The following KIF24 variants were observed in gnomAD, a reference collection of about 807,000 sequenced individuals.
KIF24 encodes the protein kinesin-like protein KIF24.
In KIF24, 81 loss-of-function variants were observed where a neutral mutation model predicts 118.9. That is an observed-to-expected ratio of 0.68 (90% CI 0.57 to 0.82). KIF24 has a LOEUF of 0.82. KIF24 is among the 40% of genes least tolerant of loss of function. The probability of loss-of-function intolerance (pLI) is 0.00; values close to 1 mark genes in which losing one functional copy is unlikely to be tolerated. For missense variants in KIF24, 1,560 were observed against 1,661.6 expected, an observed-to-expected ratio of 0.94 and a Z score of 1.06; for synonymous variants, 599 against 610.0, an observed-to-expected ratio of 0.98 and a Z score of 0.27.
rs1354397036 is a variant in KIF24 at position 34,257,540 on chromosome 9, G to A, written c.2067C>T (p.Gly689=). 1.2e-6 allele frequency: 2 copies of A among 1,614,076 alleles called. No individual in the cohort carries two copies. The highest frequency in any genetic ancestry group is 3.3e-5 in the Admixed American group (2 of 60,032). The change falls in exon 11 of 13, where the codon GGC becomes GGT. Residue 689 remains glycine (G), a synonymous_variant. Transcript: ENST00000402558. ...TVLGWESRAS[G]PGEGLVRGKL... ...TACCACGCACTAGGCCTTCTCCTGGGCCTGAGGCCCTGCTTTCCCACCCAA... is the reference window on the plus strand; with the variant it reads ...TACCACGCACTAGGCCTTCTCCTGGACCTGAGGCCCTGCTTTCCCACCCAA...
intron 5 of KIF24, among the ~76,000 whole-genome samples, chr9:34,288,111 T>A (rs1836118684): frequency 6.6e-6 from 1 of 152,086 alleles, no homozygotes; most frequent in Non-Finnish European, 1.5e-5. Flanking sequence ...TTAAGCTTTG[T>A]TTTCCAGTTT....
rs1835411971 is a variant in KIF24, at chr9:34,269,317, T to C, written c.1383A>G (p.Ala461=). 1 of 1,612,008 alleles carries C rather than the reference T, an allele frequency of 6.2e-7. No homozygotes were observed. Among genetic ancestry groups the C allele is most frequent in the Non-Finnish European group, 8.5e-7 (1 of 1,178,526 alleles). ...TCTTTGTCTGTCTATCTGAGTCCCTTGCATCTGCTGCTCTTTCACTGCCAG... is the reference window on the plus strand; with the variant it reads ...TCTTTGTCTGTCTATCTGAGTCCCTCGCATCTGCTGCTCTTTCACTGCCAG... ...DLAGSERAAD[A]RDSDRQTKME... The change falls in exon 8 of 13, where the codon GCA becomes GCG. Residue 461 remains alanine (A), a synonymous_variant. Transcript: ENST00000402558.
chr9:34,265,027 G>C (rs1027619692), intron 8 of KIF24, among the ~76,000 whole-genome samples: 11 of 152,154 alleles, frequency 7.2e-5, no homozygotes, highest in South Asian at 2.1e-4. Context: ...AAAGGGGTGA[G>C]TGCAAACATA....
intron 2 of KIF24, 68 bp downstream of exon 2, chr9:34,310,656 A>G (rs1837101442): frequency 1.8e-6 from 2 of 1,137,736 alleles, no homozygotes; most frequent in South Asian, 1.6e-5. Flanking sequence ...TCTGCTGGAC[A>G]TGAAGGAGAG....
chr9:34,324,244 G>A (rs1837606263), intron 1 of KIF24, among the ~76,000 whole-genome samples: 1 of 152,198 alleles, frequency 6.6e-6, no homozygotes, highest in Admixed American at 6.5e-5. Flanking sequence ...TGTCTCCACA[G>A]TCGAGCATCT....
chr9:34,257,906 AGAG>A lies in KIF24; in HGVS notation c.1698_1700del (p.Ser567del), dbSNP rs766255204. ...CAGGGGAGCTCTGAATTCGTTTTGG[AGAG>A]GAGTTTCCAGATGTCCGATTTCGAC... On this transcript the variant is annotated inframe_deletion, in exon 11 of 13. Coordinates refer to ENST00000402558, the MANE Select transcript of KIF24 (RefSeq NM_194313.4). The A allele has an allele frequency of 6.2e-7, 1 of 1,614,004 alleles. No individual in the cohort carries two copies. The highest frequency in any genetic ancestry group is 8.5e-7 in the Non-Finnish European group (1 of 1,179,886).
chr9:34,290,367 A>AAGG lies in KIF24; in HGVS notation c.933_934insCCT (p.Ala311_Tyr312insPro), dbSNP rs757016720. ...GTCTTTCCAGCACCTGTCTGTCCAT[A>AAGG]AGCAAAGCAAGTGGCATTGCCTCTG... On this transcript the variant is annotated inframe_insertion, in exon 5 of 13. Transcript: ENST00000402558. 2.4e-5 allele frequency: 38 copies of AAGG among 1,610,334 alleles called. No homozygotes were observed. Among genetic ancestry groups the AAGG allele is most frequent in the Non-Finnish European group, 3.2e-5 (38 of 1,176,940 alleles).
chr9:34,327,342 C>T (rs527394266), intron 1 of KIF24, among the ~76,000 whole-genome samples: 4 of 151,656 alleles, frequency 2.6e-5, no homozygotes, highest in East Asian at 3.9e-4. Context: ...CCTCACTTTA[C>T]GACAAAAGAG....
At chr9:34,300,610 C>T (rs1040078785) in intron 3 of KIF24, among the ~76,000 whole-genome samples, 4 of 151,970 alleles carry the variant, frequency 2.6e-5, no homozygotes. Flanking sequence ...GAAGGTGATC[C>T]GCCTGCCTCG....
At chr9:34,330,276 G>A (rs1587985001), upstream of KIF24, among the ~76,000 whole-genome samples, 1 of 152,184 alleles carries the variant, frequency 6.6e-6, no homozygotes, top group East Asian at 1.9e-4. Context: ...GTCGTGGCGG[G>A]CACGTATAGT....
At chr9:34,254,973 C>A (rs1285447854) in intron 12 of KIF24, 99 bp downstream of exon 12, 1 of 796,202 alleles carries the variant, frequency 1.3e-6, no homozygotes, top group African/African-American at 1.7e-5. Context: ...TGCCAGGAGA[C>A]CCTTTCCCCA....
At chr9:34,279,053 G>A (rs1309783574) in intron 6 of KIF24, among the ~76,000 whole-genome samples, 1 of 152,120 alleles carries the variant, frequency 6.6e-6, no homozygotes, top group East Asian at 1.9e-4. Flanking sequence ...GCAGTGACCC[G>A]TGATTGCACC....
In KIF24 at chr9:34,318,455, G is replaced by A. The variant is rs1837400808; in HGVS notation, c.-25-7084C>T. ...CTTCTGCCTCCTGGCGGTGGCCTTG[G>A]CGACCGAGGTGAAGAAACCTGCAGC... On this transcript the variant is annotated intron_variant, in intron 1 of 12. Transcript: ENST00000402558. This position sits in a 1 kb window ranked among gnomAD's most constrained non-coding sequence, Gnocchi z 4.9. 3 of 738,138 alleles carry A rather than the reference G, an allele frequency of 4.1e-6. No individual in the cohort carries two copies. The highest frequency in any genetic ancestry group is 7.2e-6 in the Non-Finnish European group (3 of 416,766). The allele number at this position is 738,138 out of a possible 1,614,324, so 45.7% of individuals were successfully genotyped here.
In KIF24 at chr9:34,256,655, A is replaced by G; in HGVS notation, c.2952T>C (p.Gly984=). ...EGNLPSPEED[G]FTISLSHVAV... Reference sequence around the variant, plus strand: ...CAACGTGGGACAATGAGATAGTGAAACCATCTTCCTCTGGGGATGGCAAGT... The same window carrying G: ...CAACGTGGGACAATGAGATAGTGAAGCCATCTTCCTCTGGGGATGGCAAGT... Residue 984 remains glycine (G), a synonymous_variant, in exon 11 of 13, where the codon GGT becomes GGC. Transcript: ENST00000402558. 1 of 1,613,888 alleles carries G rather than the reference A, an allele frequency of 6.2e-7. No homozygotes were observed. Among genetic ancestry groups the G allele is most frequent in the Non-Finnish European group, 8.5e-7 (1 of 1,179,882 alleles).
intron 7 of KIF24, among the ~76,000 whole-genome samples, chr9:34,270,620 T>G (rs1835469065): frequency 6.7e-6 from 1 of 150,326 alleles, no homozygotes; most frequent in African/African-American, 2.4e-5. Flanking sequence ...TGTTTTTTTT[T>G]AAGAGACGGG....
At chr9:34,324,778 TTC>T (rs1410322232) in intron 1 of KIF24, among the ~76,000 whole-genome samples, 2 of 152,162 alleles carry the variant, frequency 1.3e-5, no homozygotes, top group Admixed American at 6.5e-5. Flanking sequence ...ACCGTTTTAT[TTC>T]TCTGTGCATT....
At chr9:34,287,849 T>C (rs115515445) in intron 5 of KIF24, among the ~76,000 whole-genome samples, 2,508 of 151,460 alleles carry the variant, frequency 0.017, 73 homozygotes, top group African/African-American at 0.057. Flanking sequence ...TACGCTATGA[T>C]TGCGCCTGTG....
intron 5 of KIF24, among the ~76,000 whole-genome samples, chr9:34,287,066 TGA>T (rs1284289209): frequency 2.6e-4 from 39 of 152,164 alleles, no homozygotes; most frequent in Non-Finnish European, 8.8e-5. Flanking sequence ...AGATGCCTGG[TGA>T]AGTGATGCTC....
chr9:34,276,825 C>A (rs182798478), intron 6 of KIF24, among the ~76,000 whole-genome samples: 255 of 152,294 alleles, frequency 1.7e-3, no homozygotes, highest in Middle Eastern at 3.4e-3. Flanking sequence ...CTAATGAAAT[C>A]ATAAGAGCTA....
Sources: allele counts gnomAD v4.1 joint callset (sites outside exome capture counted in the v4.1 genomes callset), GRCh38; gene constraint gnomAD v4.1.1; non-coding constraint Gnocchi (gnomAD v3.1); transcripts MANE v1.5; gene names NCBI Gene and HGNC (gene_info 2026-07-23, HGNC 2026-07-21).